SAMD4A: variants seen among roughly 807,000 people sequenced by gnomAD.
SAMD4A encodes the protein protein Smaug homolog 1.
In SAMD4A, 33 loss-of-function variants were observed where a neutral mutation model predicts 81.3. The ratio of observed to expected loss-of-function variants is 0.41; its 90% CI spans 0.31 to 0.54. SAMD4A has a LOEUF of 0.54. Among genes scored for constraint, SAMD4A ranks in the 20% least tolerant of loss-of-function variants. The probability of loss-of-function intolerance (pLI) is 0.37; values close to 1 mark genes in which losing one functional copy is unlikely to be tolerated. For missense variants in SAMD4A, 854 were observed against 951.1 expected, an observed-to-expected ratio of 0.90 and a Z score of 1.34; for synonymous variants, 389 against 382.1, an observed-to-expected ratio of 1.02 and a Z score of -0.21.
At chr14:54,671,989 C>G (rs1426803667) in intron 2 of SAMD4A, among the ~76,000 whole-genome samples, 12 of 150,316 alleles carry the variant, frequency 8.0e-5, no homozygotes, top group Admixed American at 2.7e-4. Flanking sequence ...CACCATTACC[C>G]CCATCTACTG....
At chr14:54,638,811 A>C (rs1200110043) in intron 2 of SAMD4A, among the ~76,000 whole-genome samples, 1 of 152,226 alleles carries the variant, frequency 6.6e-6, no homozygotes, top group African/African-American at 2.4e-5. Flanking sequence ...CTAGAAATTG[A>C]AAAGTTCATT....
chr14:54,610,283 G>A (rs1245854943), intron 2 of SAMD4A, among the ~76,000 whole-genome samples: 1 of 152,136 alleles, frequency 6.6e-6, no homozygotes, highest in Non-Finnish European at 1.5e-5. Flanking sequence ...GAAATGTCAA[G>A]AATGTATTTC....
At chr14:54,730,489 T>C (rs947176697) in intron 3 of SAMD4A, among the ~76,000 whole-genome samples, 1 of 152,214 alleles carries the variant, frequency 6.6e-6, no homozygotes, top group Admixed American at 6.5e-5. Flanking sequence ...ATGTTCTCTC[T>C]TCTTCCCCCG....
intron 9 of SAMD4A, among the ~76,000 whole-genome samples, chr14:54,772,835 A>C (rs1187401718): frequency 6.6e-6 from 1 of 152,078 alleles, no homozygotes; most frequent in Admixed American, 6.5e-5. Context: ...ACAAAAAAAA[A>C]AAACACTCGG....
intron 11 of SAMD4A, among the ~76,000 whole-genome samples, chr14:54,779,599 C>T (rs1475898814): frequency 6.6e-6 from 1 of 152,160 alleles, no homozygotes; most frequent in South Asian, 2.1e-4. Context: ...ACTCATCCCT[C>T]GTTCCTGGTT....
intron 2 of SAMD4A, among the ~76,000 whole-genome samples, chr14:54,681,396 T>A (rs1250409197): frequency 6.6e-6 from 1 of 152,188 alleles, no homozygotes; most frequent in Non-Finnish European, 1.5e-5. Context: ...TGTGTATTGA[T>A]CATTATGCTC....
intron 3 of SAMD4A, among the ~76,000 whole-genome samples, chr14:54,728,015 C>A (rs1191795297): frequency 6.6e-6 from 1 of 152,166 alleles, no homozygotes; most frequent in Non-Finnish European, 1.5e-5. Flanking sequence ...CTCTCCATTT[C>A]ATATCCAATA....
rs2036411730 is a variant in SAMD4A at position 54,690,733 on chromosome 14, A to AG, written c.197-11329_197-11328insG. On this transcript the variant is annotated intron_variant, in intron 2 of 12. Coordinates refer to ENST00000554335, the MANE Select transcript of SAMD4A (RefSeq NM_015589.6). Reference sequence around the variant, plus strand: ...AAGACAGATATCTGATAGATTAATAAATACAACCACTTCCAAAGGTGATGG... The same window carrying AG: ...AAGACAGATATCTGATAGATTAATAAGATACAACCACTTCCAAAGGTGATGG... 4.6e-5 allele frequency among the ~76,000 whole-genome samples: 7 copies of AG among 152,350 alleles called. No individual in the cohort carries two copies. In the South Asian group the frequency reaches 8.3e-4, roughly 18 times the overall value.
chr14:54,700,706 G>T (rs1035612963), intron 2 of SAMD4A, among the ~76,000 whole-genome samples: 2 of 152,104 alleles, frequency 1.3e-5, no homozygotes, highest in African/African-American at 4.8e-5. Flanking sequence ...CTTTCCTCTG[G>T]CCCAGAGCCT....
intron 8 of SAMD4A, among the ~76,000 whole-genome samples, chr14:54,767,302 G>T (rs191224424): frequency 7.0e-4 from 107 of 152,264 alleles, no homozygotes; most frequent in African/African-American, 2.5e-3. Context: ...GCCCGGACAC[G>T]CTGTTCCTTA....
intron 6 of SAMD4A, among the ~76,000 whole-genome samples, chr14:54,757,225 G>C (rs144321464): frequency 1.2e-4 from 18 of 152,330 alleles, no homozygotes; most frequent in Admixed American, 1.2e-3. Flanking sequence ...ACTGATGCCA[G>C]CTTGAGCACA....
intron 2 of SAMD4A, chr14:54,701,240 C>T (rs974936321): frequency 6.6e-6 from 1 of 152,102 alleles, no homozygotes; most frequent in Non-Finnish European, 1.5e-5. Context: ...GGGCTCAAGC[C>T]ATCCTCCTGG....
intron 2 of SAMD4A, among the ~76,000 whole-genome samples, chr14:54,650,382 T>A (rs1326866440): frequency 5.3e-5 from 8 of 152,214 alleles, no homozygotes; most frequent in African/African-American, 1.9e-4. Flanking sequence ...TGGCTAGTGA[T>A]TTTTCCTTTC....
At chr14:54,695,199 C>T (rs2036545537) in intron 2 of SAMD4A, among the ~76,000 whole-genome samples, 2 of 152,228 alleles carry the variant, frequency 1.3e-5, no homozygotes, top group African/African-American at 4.8e-5. Context: ...TACCCTAAAA[C>T]TTAATGACTT....
chr14:54,684,840 C>T (rs1203162489), intron 2 of SAMD4A, among the ~76,000 whole-genome samples: 1 of 152,200 alleles, frequency 6.6e-6, no homozygotes, highest in Non-Finnish European at 1.5e-5. Flanking sequence ...CTCTGTGCAG[C>T]GTTTGACTTG....
At chr14:54,748,708 TCC>T in intron 4 of SAMD4A, 105 bp from the exon 5 acceptor site, 16 of 727,918 alleles carry the variant, frequency 2.2e-5, no homozygotes, top group South Asian at 5.4e-5. Context: ...TCTTTTTTTT[TCC>T]TTTGACCATC....
chr14:54,647,200 A>G (rs374793930), intron 2 of SAMD4A, among the ~76,000 whole-genome samples: 2 of 152,334 alleles, frequency 1.3e-5, no homozygotes, highest in East Asian at 3.9e-4. Flanking sequence ...TTGATACGTT[A>G]TTATCATCAT....
intron 2 of SAMD4A, among the ~76,000 whole-genome samples, chr14:54,663,181 G>A (rs1406391023): frequency 6.6e-6 from 1 of 152,188 alleles, no homozygotes; most frequent in African/African-American, 2.4e-5. Context: ...TAAACAAAAT[G>A]TAAGAGCTAA....
chr14:54,722,031 A>G (rs996081939), intron 3 of SAMD4A, among the ~76,000 whole-genome samples: 5 of 152,224 alleles, frequency 3.3e-5, no homozygotes, highest in African/African-American at 1.2e-4. Flanking sequence ...ATATATTTTC[A>G]TAATAAAAAT....
Sources: gnomAD v4.1 joint callset for allele counts (sites outside exome capture counted in the v4.1 genomes callset) on GRCh38, gnomAD v4.1.1 for gene constraint, MANE v1.5 for transcripts, NCBI Gene and HGNC (gene_info 2026-07-23, HGNC 2026-07-21) for gene names.